Variants in TRPS1 observed in about 807,000 individuals in gnomAD.
TRPS1 encodes zinc finger transcription factor Trps1.
A neutral mutation model predicts 101.2 loss-of-function variants in TRPS1; 6 were observed. The ratio of observed to expected loss-of-function variants is 0.06; its 90% CI spans 0.03 to 0.12. The LOEUF (loss-of-function observed/expected upper bound fraction) is 0.12. Ranked by LOEUF, TRPS1 falls within the 10% of genes least tolerant of loss-of-function variation. The pLI is 1.00. For missense variants in TRPS1, 1,363 were observed against 1,567.0 expected, an observed-to-expected ratio of 0.87 and a Z score of 2.20; for synonymous variants, 578 against 589.8, an observed-to-expected ratio of 0.98 and a Z score of 0.29.
chr8:115,642,822 T>C (rs192197372), intron 1 of TRPS1, among the ~76,000 whole-genome samples: 1 of 135,244 alleles, frequency 7.4e-6, no homozygotes. Context: ...TATCTGATAA[T>C]AAAAGCATGC....
chr8:115,599,856 A>C (rs1563633439), intron 4 of TRPS1, among the ~76,000 whole-genome samples: 1 of 147,718 alleles, frequency 6.8e-6, no homozygotes, highest in South Asian at 2.2e-4. Context: ...GTATATACCC[A>C]GTAATGGGAT....
intron 1 of TRPS1, among the ~76,000 whole-genome samples, chr8:115,627,695 A>G (rs965064391): frequency 4.0e-5 from 6 of 151,820 alleles, no homozygotes; most frequent in African/African-American, 1.4e-4. Flanking sequence ...GTAGTTTAAT[A>G]TTTTTATGTA....
chr8:115,642,577 C>G (rs1378719632), intron 1 of TRPS1, among the ~76,000 whole-genome samples: 8 of 151,654 alleles, frequency 5.3e-5, no homozygotes, highest in Non-Finnish European at 1.0e-4. Context: ...TTTTATAATC[C>G]AAATACAATT....
intron 1 of TRPS1, among the ~76,000 whole-genome samples, chr8:115,641,105 C>G (rs1453413766): frequency 6.6e-6 from 1 of 152,166 alleles, no homozygotes; most frequent in Non-Finnish European, 1.5e-5. Context: ...CCTTCTGGAA[C>G]TAGATACACC....
chr8:115,424,552 CAG>C (rs1813144144), intron 5 of TRPS1, among the ~76,000 whole-genome samples: 1 of 152,170 alleles, frequency 6.6e-6, no homozygotes, highest in African/African-American at 2.4e-5. Flanking sequence ...GCAACACAAA[CAG>C]AAATTGTTCA....
intron 5 of TRPS1, among the ~76,000 whole-genome samples, chr8:115,444,367 A>G (rs894016701): frequency 7.2e-5 from 11 of 152,214 alleles, no homozygotes; most frequent in Non-Finnish European, 1.6e-4. Context: ...TACATACAAT[A>G]GAACAGGTGC....
chr8:115,639,665 C>CA (rs11395796), intron 1 of TRPS1, among the ~76,000 whole-genome samples: 66,252 of 138,168 alleles, frequency 0.48, 17,066 homozygotes, highest in African/African-American at 0.72. Flanking sequence ...CCAATCTCTA[C>CA]AAAAAAAAAA....
At chr8:115,571,614 C>T (rs759811938) in intron 5 of TRPS1, among the ~76,000 whole-genome samples, 6 of 152,022 alleles carry the variant, frequency 3.9e-5, no homozygotes, top group African/African-American at 1.4e-4. Flanking sequence ...ACAGTGTTAG[C>T]GATTAAACAA....
At chr8:115,634,179 T>C (rs779481973) in intron 1 of TRPS1, among the ~76,000 whole-genome samples, 1 of 152,180 alleles carries the variant, frequency 6.6e-6, no homozygotes, top group South Asian at 2.1e-4. Context: ...TTGTATGATA[T>C]GATAATTTAA....
intron 5 of TRPS1, among the ~76,000 whole-genome samples, chr8:115,448,919 ATTG>A (rs1813801776): frequency 6.6e-6 from 1 of 152,174 alleles, no homozygotes; most frequent in South Asian, 2.1e-4. Flanking sequence ...TTAAATATTA[ATTG>A]TTAATAATGT....
At chr8:115,588,451 GGT>G (rs1019431722) in intron 4 of TRPS1, among the ~76,000 whole-genome samples, 1 of 151,938 alleles carries the variant, frequency 6.6e-6, no homozygotes, top group Non-Finnish European at 1.5e-5. Flanking sequence ...TCATTAAAAG[GGT>G]GTGTGTGTGT....
intron 5 of TRPS1, among the ~76,000 whole-genome samples, chr8:115,462,744 T>C (rs1457829439): frequency 6.6e-6 from 1 of 151,886 alleles, no homozygotes; most frequent in Non-Finnish European, 1.5e-5. Flanking sequence ...TGTATTTTGT[T>C]GCAGTCCTAT....
chr8:115,619,155 G>C lies in TRPS1; in HGVS notation c.943C>G (p.Leu315Val), dbSNP rs781655793. ...ACCTGCACATCATAGGTCCCATTTA[G>C]TAAAACAGGCCTTGAAGAATTGATG... ...QDINSSRPVLLNGTYDVQVTS... is the reference protein window; with the variant it reads ...QDINSSRPVLVNGTYDVQVTS... Residue 315 changes from leucine (L) to valine (V), a missense_variant, in exon 3 of 7, where the codon CTA (leucine) becomes GTA (valine). Leu to Val is a conservative substitution (Grantham distance 32, BLOSUM62 1). This residue lies in a region of TRPS1 where 1,020 missense variants were observed against 1,073.0 expected (regional missense o/e 0.95). Transcript: ENST00000395715. The C allele has an allele frequency of 6.2e-7, 1 of 1,614,162 alleles. No individual in the cohort carries two copies. Among genetic ancestry groups the C allele is most frequent in the East Asian group, 2.2e-5 (1 of 44,868 alleles).
intron 5 of TRPS1, among the ~76,000 whole-genome samples, chr8:115,580,379 C>T (rs965239159): frequency 4.0e-5 from 6 of 151,500 alleles, no homozygotes; most frequent in African/African-American, 1.5e-4. Context: ...TAAAATGGAC[C>T]CATCAGACTG....
intron 5 of TRPS1, among the ~76,000 whole-genome samples, chr8:115,522,090 G>T (rs1245004730): frequency 6.6e-6 from 1 of 151,934 alleles, no homozygotes; most frequent in Non-Finnish European, 1.5e-5. Context: ...ACATAATTAA[G>T]TCGATTTAAT....
chr8:115,578,311 A>G (rs564676442), intron 5 of TRPS1, among the ~76,000 whole-genome samples: 1 of 152,258 alleles, frequency 6.6e-6, no homozygotes, highest in Admixed American at 6.5e-5. Flanking sequence ...TACCTTAAAA[A>G]TTACCCCTTT....
At chr8:115,499,956 TTTCTTTCTTTTC>T (rs924471284) in intron 5 of TRPS1, among the ~76,000 whole-genome samples, 2 of 40,596 alleles carry the variant, frequency 4.9e-5, no homozygotes, top group African/African-American at 1.5e-4. Context: ...TCTTTCTTTC[TTTCTTTCTTTTC>T]TTTTCTTTTC....
intron 5 of TRPS1, among the ~76,000 whole-genome samples, chr8:115,476,415 T>C (rs1057019766): frequency 2.0e-5 from 3 of 152,322 alleles, no homozygotes; most frequent in East Asian, 3.9e-4. Flanking sequence ...GTTGGTAATA[T>C]TGAGCTCAAA....
intron 5 of TRPS1, among the ~76,000 whole-genome samples, chr8:115,497,988 T>C (rs1267568817): frequency 2.0e-5 from 3 of 152,136 alleles, no homozygotes; most frequent in Admixed American, 6.5e-5. Context: ...ATTAGAAAAC[T>C]GTAAGAGGCC....
Sources: gnomAD v4.1 joint callset for allele counts (sites outside exome capture counted in the v4.1 genomes callset) on GRCh38, gnomAD v4.1.1 for gene constraint, gnomAD v4.1.1 regional missense constraint, MANE v1.5 for transcripts, NCBI Gene and HGNC (gene_info 2026-07-23, HGNC 2026-07-21) for gene names.